Variants in NALCN observed in about 807,000 individuals in gnomAD.
NALCN encodes sodium leak channel, non-selective, also known as sodium leak channel NALCN.
In NALCN, 111 loss-of-function variants were observed where a neutral mutation model predicts 225.3. The ratio of observed to expected loss-of-function variants is 0.49; its 90% CI spans 0.42 to 0.58. The LOEUF (loss-of-function observed/expected upper bound fraction) is 0.58, where lower values mean the gene tolerates loss of function less well. Among genes scored for constraint, NALCN ranks in the 20% least tolerant of loss-of-function variants. The pLI is 0.00. For missense variants in NALCN, 1,378 were observed against 2,202.4 expected (o/e 0.63, Z 7.49); for synonymous variants, 764 against 769.0 (o/e 0.99, Z 0.11).
In NALCN at chr13:101,059,826, G is replaced by T. The variant is rs529792628; in HGVS notation, c.4897C>A (p.Gln1633Lys). Residue 1633 changes from glutamine (Q) to lysine (K), a missense_variant, in exon 42 of 44, where the codon CAA (glutamine) becomes AAA (lysine). Gln to Lys is a moderately conservative substitution (Grantham distance 53). Around this residue, in one of 19 missense-constraint regions of NALCN, gnomAD observed 145 missense variants for 169.6 expected, o/e 0.85. Transcript: ENST00000251127. ...TNANSQDNSM[Q>K]PETSSQQQLL... ...ACGCCTCGTGCCCATACCTCAGGTT[G>T]CATGCTGTTGTCCTGACTGTTGGCA... 6.2e-7 allele frequency: 1 copy of T among 1,614,010 alleles called. No individual in the cohort carries two copies. The highest frequency in any genetic ancestry group is 2.2e-5 in the East Asian group (1 of 44,878).
At chr13:101,341,174 G>C (rs1346151891) in intron 7 of NALCN, among the ~76,000 whole-genome samples, 1 of 151,988 alleles carries the variant, frequency 6.6e-6, no homozygotes, top group African/African-American at 2.4e-5. Flanking sequence ...CATTAGCTTT[G>C]TTCTTAAAAC....
intron 28 of NALCN, among the ~76,000 whole-genome samples, chr13:101,094,959 A>G (rs1298901719): frequency 1.3e-5 from 2 of 152,256 alleles, no homozygotes; most frequent in Non-Finnish European, 2.9e-5. Flanking sequence ...CAGTTCACCA[A>G]TGACACAGAC....
intron 6 of NALCN, among the ~76,000 whole-genome samples, chr13:101,369,313 G>A (rs180767864): frequency 4.6e-5 from 7 of 152,064 alleles, no homozygotes; most frequent in African/African-American, 1.7e-4. Flanking sequence ...AATTTTTCAT[G>A]GTGAACTTCA....
At chr13:101,186,307 T>A (rs1407488927) in intron 14 of NALCN, among the ~76,000 whole-genome samples, 1 of 152,228 alleles carries the variant, frequency 6.6e-6, no homozygotes, top group African/African-American at 2.4e-5. Flanking sequence ...TGTTCGTTAT[T>A]GCTAATTTCC....
At chr13:101,168,280 T>C (rs933806337) in intron 15 of NALCN, among the ~76,000 whole-genome samples, 2 of 152,208 alleles carry the variant, frequency 1.3e-5, no homozygotes, top group African/African-American at 4.8e-5. Flanking sequence ...ATGTTGATTT[T>C]GCTCTTTTTC....
intron 17 of NALCN, among the ~76,000 whole-genome samples, chr13:101,130,809 G>T (rs1046066870): frequency 1.3e-5 from 2 of 152,158 alleles, no homozygotes; most frequent in Non-Finnish European, 2.9e-5. Context: ...TTTGTCTGGT[G>T]TATGTATTGT....
chr13:101,109,795 G>T (rs2035334413), intron 20 of NALCN, among the ~76,000 whole-genome samples: 1 of 151,970 alleles, frequency 6.6e-6, no homozygotes. Flanking sequence ...TTTCATTTGG[G>T]TCTCCGGGAT....
chr13:101,291,310 T>C (rs2043543349), intron 9 of NALCN, among the ~76,000 whole-genome samples: 1 of 152,204 alleles, frequency 6.6e-6, no homozygotes, highest in Non-Finnish European at 1.5e-5. Context: ...GGCTTGCAAG[T>C]ACATGAATAA....
At chr13:101,283,429 G>A (rs76874133) in intron 10 of NALCN, among the ~76,000 whole-genome samples, 1 of 152,274 alleles carries the variant, frequency 6.6e-6, no homozygotes, top group African/African-American at 2.4e-5. Flanking sequence ...ATCACTGTGA[G>A]AATCTATCTC....
At chr13:101,301,282 G>A (rs1211579311) in intron 7 of NALCN, among the ~76,000 whole-genome samples, 1 of 152,192 alleles carries the variant, frequency 6.6e-6, no homozygotes, top group East Asian at 1.9e-4. Flanking sequence ...CCTGCGCTCG[G>A]CAATTTCCAG....
chr13:101,123,562 C>T (rs187049209), intron 18 of NALCN, among the ~76,000 whole-genome samples: 7 of 152,266 alleles, frequency 4.6e-5, no homozygotes, highest in African/African-American at 1.7e-4. Context: ...TTTATCTCAT[C>T]ACATTTTGTG....
At chr13:101,290,553 A>T (rs2139041758) in intron 9 of NALCN, among the ~76,000 whole-genome samples, 1 of 152,364 alleles carries the variant, frequency 6.6e-6, no homozygotes, top group Non-Finnish European at 1.5e-5. Context: ...GCATATTCAA[A>T]AAACCTTTCA....
At chr13:101,095,828 T>C (rs1406045457) in intron 27 of NALCN, 148 bp from the exon 28 acceptor site, 2 of 644,636 alleles carry the variant, frequency 3.1e-6, no homozygotes, top group African/African-American at 3.7e-5. Flanking sequence ...CAGCAAATAG[T>C]AACAAAGACT....
intron 7 of NALCN, among the ~76,000 whole-genome samples, chr13:101,339,192 C>T (rs968432149): frequency 3.9e-5 from 6 of 152,162 alleles, no homozygotes; most frequent in African/African-American, 1.4e-4. Context: ...TGTGTCACTT[C>T]GACAGTGTGG....
At chr13:101,157,901 C>T (rs568646089) in intron 15 of NALCN, among the ~76,000 whole-genome samples, 3 of 152,004 alleles carry the variant, frequency 2.0e-5, no homozygotes, top group South Asian at 2.1e-4. Context: ...TATAGGCAGG[C>T]GCCACCACAC....
At chr13:101,281,661 ATAAC>A (rs1197883215) in intron 10 of NALCN, among the ~76,000 whole-genome samples, 6 of 152,190 alleles carry the variant, frequency 3.9e-5, no homozygotes, top group Admixed American at 1.3e-4. Flanking sequence ...ACAGAAATAA[ATAAC>A]TAACAATAAA....
At chr13:101,198,930 G>A (rs1021814440) in intron 13 of NALCN, among the ~76,000 whole-genome samples, 1 of 151,962 alleles carries the variant, frequency 6.6e-6, no homozygotes, top group African/African-American at 2.4e-5. Context: ...AGAAAATGTG[G>A]CACATATACA....
rs59534631 is a variant in NALCN, at chr13:101,399,711, GT to G, written c.-39-547del. 2.6e-3 allele frequency among the ~76,000 whole-genome samples: 400 copies of G among 152,286 alleles called. 6 individuals carry two copies. Among genetic ancestry groups the G allele is most frequent in the African/African-American group, 9.1e-3 (377 of 41,562 alleles). On this transcript the variant is annotated intron_variant, in intron 1 of 43. Transcript: ENST00000251127. ...AGAACCTCCCCTAAATGGAGATGTT[GT>G]TTTATGAATGCAGTGATTATCTAAA...
intron 13 of NALCN, among the ~76,000 whole-genome samples, chr13:101,210,153 T>A (rs145839793): frequency 2.0e-5 from 3 of 152,234 alleles, no homozygotes; most frequent in African/African-American, 7.2e-5. Context: ...TAGCTTCCAT[T>A]TGCTTAGAGG....
Sources: allele counts gnomAD v4.1 joint callset (sites outside exome capture counted in the v4.1 genomes callset), GRCh38; gene constraint gnomAD v4.1.1; regional missense constraint gnomAD v4.1.1; transcripts MANE v1.5; gene names NCBI Gene and HGNC (gene_info 2026-07-23, HGNC 2026-07-21).